Variants in ZFP62 observed in about 807,000 individuals in gnomAD.
ZFP62 encodes ZFP62 zinc finger protein.
Under a neutral mutation model 56.4 loss-of-function variants are expected in ZFP62, and 44 were observed. The ratio of observed to expected loss-of-function variants is 0.78; its 90% CI spans 0.61 to 1.00. The LOEUF (loss-of-function observed/expected upper bound fraction) is 1.00, where lower values mean the gene tolerates loss of function less well. Ranked by LOEUF, ZFP62 falls within the 50% of genes least tolerant of loss-of-function variation. The pLI is 0.00. For synonymous variants in ZFP62, 421 were observed against 388.9 expected (o/e 1.08, Z -0.97); for missense variants, 1,030 against 1,085.7 (o/e 0.95, Z 0.72).
the ZFP62 span, among the ~76,000 whole-genome samples, chr5:180,841,893 A>T: frequency 6.6e-6 from 1 of 152,136 alleles, no homozygotes; most frequent in East Asian, 1.9e-4. Context: ...CTCTACTAAA[A>T]ATACAAAAAT....
chr5:180,841,608 T>C, the ZFP62 span, among the ~76,000 whole-genome samples: 1 of 152,126 alleles, frequency 6.6e-6, no homozygotes, highest in Non-Finnish European at 1.5e-5. Flanking sequence ...AGTGTTCAGA[T>C]GGAAGAAATC....
chr5:180,842,732 G>A (rs1773333436), downstream of ZFP62, among the ~76,000 whole-genome samples: 1 of 152,148 alleles, frequency 6.6e-6, no homozygotes, highest in African/African-American at 2.4e-5. Context: ...AAATTGCAGA[G>A]GTGGAGAAGA....
intron 1 of ZFP62, among the ~76,000 whole-genome samples, chr5:180,858,012 G>A (rs1489880432): frequency 3.3e-5 from 5 of 150,904 alleles, no homozygotes; most frequent in South Asian, 2.1e-4. Flanking sequence ...CAGCTCTTTC[G>A]GAGGCCGAGG....
intron 1 of ZFP62, among the ~76,000 whole-genome samples, chr5:180,858,822 G>T (rs1774147463): frequency 6.6e-6 from 1 of 152,128 alleles, no homozygotes; most frequent in Admixed American, 6.5e-5. Context: ...TTTCTTAAAA[G>T]TTCTAAAGGC....
At chr5:180,842,713 C>T (rs1022658397), downstream of ZFP62, among the ~76,000 whole-genome samples, 2 of 151,928 alleles carry the variant, frequency 1.3e-5, no homozygotes, top group East Asian at 1.9e-4. Context: ...GAAAATGTCC[C>T]CAAATAAAAA....
At chr5:180,856,676 C>T (rs1034816080) in intron 1 of ZFP62, among the ~76,000 whole-genome samples, 6 of 151,990 alleles carry the variant, frequency 3.9e-5, no homozygotes, top group Non-Finnish European at 8.8e-5. Flanking sequence ...CAGAGGCGGC[C>T]GGGCATGGTG....
the ZFP62 span, among the ~76,000 whole-genome samples, chr5:180,834,058 C>A: frequency 0.01 from 1,578 of 152,254 alleles, 29 homozygotes; most frequent in African/African-American, 0.034. Flanking sequence ...ATGCTGAGAT[C>A]CTAACCCCTT....
chr5:180,853,963 TCA>T (rs1773844099), intron 1 of ZFP62, among the ~76,000 whole-genome samples: 1 of 152,200 alleles, frequency 6.6e-6, no homozygotes, highest in African/African-American at 2.4e-5. Context: ...GATTTCTAAA[TCA>T]CATATATGTG....
At chr5:180,828,260 A>G in the ZFP62 span, among the ~76,000 whole-genome samples, 1 of 152,332 alleles carries the variant, frequency 6.6e-6, no homozygotes, top group South Asian at 2.1e-4. Context: ...TCTGGTGGTA[A>G]GGCTTCGATT....
At chr5:180,846,262 T>G (rs1773409509), downstream of ZFP62, among the ~76,000 whole-genome samples, 1 of 152,144 alleles carries the variant, frequency 6.6e-6, no homozygotes, top group African/African-American at 2.4e-5. Context: ...GCTTGTCTGG[T>G]GCTTAGTGGG....
At chr5:180,838,898 TAACTC>T in the ZFP62 span, among the ~76,000 whole-genome samples, 5 of 152,202 alleles carry the variant, frequency 3.3e-5, no homozygotes, top group African/African-American at 7.2e-5. Context: ...AAGCAAATCT[TAACTC>T]AGCAATTCTG....
At chr5:180,851,521 T>TA in intron 1 of ZFP62, 28 bp from the exon 2 acceptor site, 1 of 1,488,664 alleles carries the variant, frequency 6.7e-7, no homozygotes, top group South Asian at 1.3e-5. Context: ...AAAGGACACC[T>TA]ATTCACTCTC....
chr5:180,828,616 G>A, the ZFP62 span, among the ~76,000 whole-genome samples: 3 of 152,188 alleles, frequency 2.0e-5, no homozygotes, highest in Non-Finnish European at 2.9e-5. Context: ...GAGCATGTAT[G>A]TCACCTCAGG....
At chr5:180,860,689 C>CAA (rs111743384) in intron 1 of ZFP62, 94,450 of 123,930 alleles carry the variant, frequency 0.76, 36,422 homozygotes, top group East Asian at 0.97. Context: ...ACTCACCGAC[C>CAA]AAAAAAAAAA....
At chr5:180,833,569 G>C in the ZFP62 span, among the ~76,000 whole-genome samples, 3 of 151,642 alleles carry the variant, frequency 2.0e-5, no homozygotes, top group Non-Finnish European at 4.4e-5. Context: ...TCTGCAACTT[G>C]TAAGATGACC....
Position 180,850,953 on chromosome 5 carries a change from C to A in ZFP62, c.542G>T (p.Ser181Ile), listed in dbSNP as rs778900307. ...CCGTTTGTGGACCCGAAGGCTCGAG[C>A]TGCTCCGGAAAGTCCCTCCACAGTC... ...CDDCGGTFRS[S>I]SSLRVHKRIH... is the part of the protein sequence containing the mutation. The change falls in exon 2 of 2, where the codon AGC becomes ATC. Residue 181 changes from serine (S) to isoleucine (I), a missense_variant. Coordinates refer to ENST00000502412, the MANE Select transcript of ZFP62 (RefSeq NM_001172638.2). 48 of 1,554,556 alleles carry A rather than the reference C, an allele frequency of 3.1e-5. No homozygotes were observed. The highest frequency in any genetic ancestry group is 4.1e-5 in the Non-Finnish European group (47 of 1,149,110).
intron 1 of ZFP62, chr5:180,860,689 C>CAAA (rs111743384): frequency 0.01 from 1,256 of 124,118 alleles, 25 homozygotes; most frequent in Non-Finnish European, 0.011. Context: ...ACTCACCGAC[C>CAAA]AAAAAAAAAA....
downstream of ZFP62, among the ~76,000 whole-genome samples, chr5:180,845,326 T>TAAAAAAAAAAA (rs772922940): frequency 3.0e-5 from 1 of 32,828 alleles, no homozygotes; most frequent in Admixed American, 4.8e-4. Context: ...GAGACCGTCT[T>TAAAAAAAAAAA]AAAAAAAAAA....
chr5:180,839,194 A>T, the ZFP62 span, among the ~76,000 whole-genome samples: 1 of 152,220 alleles, frequency 6.6e-6, no homozygotes, highest in African/African-American at 2.4e-5. Flanking sequence ...CCAAAAGCGT[A>T]TGTTTAGAAG....
Sources: allele counts gnomAD v4.1 joint callset (sites outside exome capture counted in the v4.1 genomes callset), GRCh38; gene constraint gnomAD v4.1.1; transcripts MANE v1.5; gene names NCBI Gene and HGNC (gene_info 2026-07-23, HGNC 2026-07-21).